FARS2: variants seen among roughly 807,000 people sequenced by gnomAD.
FARS2 encodes the protein phenylalanine--tRNA ligase, mitochondrial.
In FARS2, 40 loss-of-function variants were observed where a neutral mutation model predicts 46.4. The observed-to-expected ratio is 0.86, with a 90% CI of 0.67 to 1.12. The LOEUF (loss-of-function observed/expected upper bound fraction) is 1.12. Among genes scored for constraint, FARS2 ranks in the 50% most tolerant of loss-of-function variants. The probability of loss-of-function intolerance (pLI) is 0.00; values close to 1 mark genes in which losing one functional copy is unlikely to be tolerated. For missense variants in FARS2, 513 were observed against 567.9 expected (o/e 0.90, Z 0.98); for synonymous variants, 234 against 214.9 (o/e 1.09, Z -0.78).
chr6:5,738,070 C>T (rs1018233396), intron 6 of FARS2, among the ~76,000 whole-genome samples: 1 of 152,314 alleles, frequency 6.6e-6, no homozygotes, highest in East Asian at 1.9e-4. Context: ...CCCACTTCAG[C>T]CTTCTGAGTA....
chr6:5,279,966 A>G (rs764275309), intron 1 of FARS2, among the ~76,000 whole-genome samples: 1 of 152,240 alleles, frequency 6.6e-6, no homozygotes. Flanking sequence ...CCCAAGGCCC[A>G]GTCATGTTGA....
At chr6:5,753,659 C>G (rs967306551) in intron 6 of FARS2, among the ~76,000 whole-genome samples, 1 of 152,216 alleles carries the variant, frequency 6.6e-6, no homozygotes, top group Non-Finnish European at 1.5e-5. Context: ...TGTCTTCTCT[C>G]TCTGCTCTGT....
intron 2 of FARS2, among the ~76,000 whole-genome samples, chr6:5,379,515 A>G (rs1165748499): frequency 6.6e-6 from 1 of 152,184 alleles, no homozygotes; most frequent in Non-Finnish European, 1.5e-5. Context: ...TAGGACTAAG[A>G]CGGGGACCCA....
intron 3 of FARS2, among the ~76,000 whole-genome samples, chr6:5,414,694 G>A (rs74499799): frequency 0.016 from 2,339 of 150,830 alleles, 63 homozygotes; most frequent in African/African-American, 0.054. Flanking sequence ...CCAGGTTTTG[G>A]CTATTGCAAA....
intron 4 of FARS2, among the ~76,000 whole-genome samples, chr6:5,488,959 G>A (rs1006369979): frequency 3.3e-5 from 5 of 152,138 alleles, no homozygotes; most frequent in Admixed American, 2.6e-4. Context: ...TAGGCACTGG[G>A]TCTATAGCAG....
chr6:5,379,642 TC>T (rs1253514803), intron 2 of FARS2, among the ~76,000 whole-genome samples: 1 of 152,136 alleles, frequency 6.6e-6, no homozygotes. Flanking sequence ...TGTACCGAAA[TC>T]TGCTTTCTTG....
At chr6:5,684,311 C>T (rs984996823) in intron 6 of FARS2, among the ~76,000 whole-genome samples, 47 of 152,102 alleles carry the variant, frequency 3.1e-4, no homozygotes, top group African/African-American at 9.7e-4. Flanking sequence ...CTGGTTCTGC[C>T]GCACGCCCAT....
chr6:5,574,397 T>C (rs1292143059), intron 5 of FARS2, among the ~76,000 whole-genome samples: 1 of 152,228 alleles, frequency 6.6e-6, no homozygotes, highest in African/African-American at 2.4e-5. Flanking sequence ...GTGCTGGGAT[T>C]ACAGGCGTTA....
chr6:5,703,746 G>T lies in FARS2; in HGVS notation c.1218-67545G>T, dbSNP rs183724603. On this transcript the variant is annotated intron_variant, in intron 6 of 6. Transcript: ENST00000274680. ...CTTCCGTGCAAAGGTGGACACAGGG[G>T]CTTTTCACTAGGGCCCCAGAAGCTC... Among the ~76,000 whole-genome samples, 1,204 of 152,272 alleles carry T rather than the reference G, an allele frequency of 7.9e-3. 23 individuals are homozygous for T. Among genetic ancestry groups the T allele is most frequent in the African/African-American group, 0.028 (1,148 of 41,546 alleles).
At chr6:5,679,560 T>C (rs1194467933) in intron 6 of FARS2, among the ~76,000 whole-genome samples, 1 of 152,162 alleles carries the variant, frequency 6.6e-6, no homozygotes, top group Non-Finnish European at 1.5e-5. Context: ...ACTGATCGCC[T>C]TACCTCCCTC....
chr6:5,576,560 ATATAGAGTATATATCTAT>A (rs1434797806), intron 5 of FARS2, among the ~76,000 whole-genome samples: 3 of 147,922 alleles, frequency 2.0e-5, no homozygotes. Flanking sequence ...TATATATCAT[ATATAGAGTATATATCTAT>A]GATATATACT....
chr6:5,416,844 A>G (rs1762268243), intron 3 of FARS2, among the ~76,000 whole-genome samples: 1 of 152,188 alleles, frequency 6.6e-6, no homozygotes, highest in Non-Finnish European at 1.5e-5. Flanking sequence ...GAGTGCTGTT[A>G]CCCCACTTCT....
intron 3 of FARS2, among the ~76,000 whole-genome samples, chr6:5,405,706 A>C (rs776915877): frequency 1.3e-5 from 2 of 151,424 alleles, no homozygotes; most frequent in Non-Finnish European, 2.9e-5. Context: ...GTTTGCCAAG[A>C]TGGTCTCGAT....
chr6:5,420,705 C>T (rs1208394359), intron 3 of FARS2, among the ~76,000 whole-genome samples: 1 of 152,214 alleles, frequency 6.6e-6, no homozygotes, highest in Non-Finnish European at 1.5e-5. Context: ...AGGGTACAGC[C>T]TCCTTCCAAG....
At chr6:5,658,512 A>T (rs1364976422) in intron 6 of FARS2, among the ~76,000 whole-genome samples, 1 of 152,240 alleles carries the variant, frequency 6.6e-6, no homozygotes, top group African/African-American at 2.4e-5. Flanking sequence ...GCACTCTAAT[A>T]TACACAAGAA....
intron 4 of FARS2, among the ~76,000 whole-genome samples, chr6:5,532,681 G>A (rs1561690340): frequency 1.3e-5 from 2 of 152,144 alleles, no homozygotes; most frequent in Non-Finnish European, 2.9e-5. Flanking sequence ...AACCTGGGAG[G>A]CAGAGGTTGC....
intron 6 of FARS2, among the ~76,000 whole-genome samples, chr6:5,627,462 T>C (rs2150710812): frequency 6.6e-6 from 1 of 152,378 alleles, no homozygotes; most frequent in South Asian, 2.1e-4. Flanking sequence ...CTAGAGTAAT[T>C]GCTTATCTCA....
rs1298860043 is a variant in FARS2, at chr6:5,545,179, G to T, written c.905-1G>T. ...ACAACTATTTTGTTTCCTAATCACA[G>T]CTGGTGCTCAAGACCGAATCGGCTG... On this transcript the variant is annotated splice_acceptor_variant, in intron 4 of 6. Coordinates refer to ENST00000274680, the MANE Select transcript of FARS2 (RefSeq NM_006567.5). LOFTEE classifies it high-confidence loss of function. 1 of 1,613,750 alleles carries T rather than the reference G, an allele frequency of 6.2e-7. No individual in the cohort carries two copies. Among genetic ancestry groups the T allele is most frequent in the Admixed American group, 1.7e-5 (1 of 60,008 alleles).
intron 6 of FARS2, among the ~76,000 whole-genome samples, chr6:5,671,145 A>G (rs1229340156): frequency 6.6e-6 from 1 of 152,268 alleles, no homozygotes; most frequent in Non-Finnish European, 1.5e-5. Flanking sequence ...GGAGTTAAAT[A>G]TAATTCATTT....
Sources: gnomAD v4.1 joint callset for allele counts (sites outside exome capture counted in the v4.1 genomes callset) on GRCh38, gnomAD v4.1.1 for gene constraint, MANE v1.5 for transcripts, NCBI Gene and HGNC (gene_info 2026-07-23, HGNC 2026-07-21) for gene names.